SNTG2: variants seen among roughly 807,000 people sequenced by gnomAD.
SNTG2 encodes syntrophin gamma 2.
A neutral mutation model predicts 70.9 loss-of-function variants in SNTG2; 74 were observed. The ratio of observed to expected loss-of-function variants is 1.04; its 90% CI spans 0.86 to 1.27. SNTG2 has a LOEUF of 1.27. Ranked by LOEUF, SNTG2 falls within the 50% of genes most tolerant of loss-of-function variation. The pLI is 0.00. For synonymous variants in SNTG2, 278 were observed against 273.8 expected, an observed-to-expected ratio of 1.02 and a Z score of -0.15; for missense variants, 717 against 690.7, an observed-to-expected ratio of 1.04 and a Z score of -0.43.
chr2:1,161,616 A>G (rs911140748), intron 6 of SNTG2: 1 of 152,246 alleles, frequency 6.6e-6, no homozygotes, highest in Admixed American at 6.5e-5. Context: ...TATTTTGTTC[A>G]TACACCACAT....
At chr2:999,830 C>A (rs1347335594) in intron 1 of SNTG2, among the ~76,000 whole-genome samples, 1 of 151,914 alleles carries the variant, frequency 6.6e-6, no homozygotes, top group Non-Finnish European at 1.5e-5. Flanking sequence ...ATATACTCTT[C>A]TCTTCAGTGC....
At position 1,334,639 on chromosome 2, in the gene SNTG2, C is replaced by T. The variant is rs936499859; in HGVS notation, c.1488+18264C>T. On this transcript the variant is annotated intron_variant, in intron 16 of 16. Transcript: ENST00000308624. ...CAAAGGAACAAAATAATGTCTTTTG[C>T]AGCAACTTGGATGGAGCTGGAAGCC... Among the ~76,000 whole-genome samples the T allele has an allele frequency of 5.3e-5, 8 of 152,204 alleles. No homozygotes were observed. In the East Asian group the frequency reaches 1.5e-3, roughly 29 times the overall value.
At chr2:1,167,187 A>T (rs1287923499) in intron 7 of SNTG2, among the ~76,000 whole-genome samples, 1 of 152,018 alleles carries the variant, frequency 6.6e-6, no homozygotes, top group Non-Finnish European at 1.5e-5. Flanking sequence ...GGCAGAACTG[A>T]AACCTACAGG....
chr2:1,260,806 CT>C (rs1478488498), intron 13 of SNTG2, among the ~76,000 whole-genome samples: 3 of 139,622 alleles, frequency 2.1e-5, no homozygotes, highest in East Asian at 2.0e-4. Flanking sequence ...AATTCTTGGC[CT>C]TTTTGTTTCC....
chr2:1,260,414 T>C (rs150626840), intron 13 of SNTG2, among the ~76,000 whole-genome samples: 5 of 152,362 alleles, frequency 3.3e-5, no homozygotes, highest in African/African-American at 1.2e-4. Context: ...GCAACATTTT[T>C]CTGCATTGTT....
chr2:1,288,181 T>G (rs181930681), intron 14 of SNTG2, among the ~76,000 whole-genome samples: 179 of 152,340 alleles, frequency 1.2e-3, no homozygotes, highest in African/African-American at 4.1e-3. Context: ...ACTCAGCAAG[T>G]GTTTTTTGGG....
intron 1 of SNTG2, among the ~76,000 whole-genome samples, chr2:1,082,368 T>C (rs894851607): frequency 2.0e-5 from 3 of 152,220 alleles, no homozygotes; most frequent in Admixed American, 1.3e-4. Context: ...ACGCAGGCGC[T>C]GGGGCTCCTT....
At position 1,240,374 on chromosome 2, in the gene SNTG2, A is replaced by G. The variant is rs116862820; in HGVS notation, c.888+598A>G. On this transcript the variant is annotated intron_variant, in intron 11 of 16. Coordinates refer to ENST00000308624, the MANE Select transcript of SNTG2 (RefSeq NM_018968.4). ...CTTCCCACGTCTATGAGTACTTAGG[A>G]AAACTCTATGGTAATCAAGCTGTTT... 7.2e-5 allele frequency among the ~76,000 whole-genome samples: 11 copies of G among 152,328 alleles called. No individual in the cohort carries two copies. In the East Asian group the frequency reaches 2.1e-3, roughly 29 times the overall value.
At chr2:1,329,016 C>T (rs965615311) in intron 16 of SNTG2, among the ~76,000 whole-genome samples, 1 of 152,138 alleles carries the variant, frequency 6.6e-6, no homozygotes, top group African/African-American at 2.4e-5. Context: ...ATTAAGGTTA[C>T]TTTTGACTAC....
chr2:1,070,754 C>G, intron 1 of SNTG2, among the ~76,000 whole-genome samples: 1 of 152,174 alleles, frequency 6.6e-6, no homozygotes, highest in East Asian at 1.9e-4. Context: ...CTCTGTTGAG[C>G]CTCTAGTAAC....
At chr2:1,195,895 G>GAA (rs113436793) in intron 8 of SNTG2, among the ~76,000 whole-genome samples, 5 of 147,756 alleles carry the variant, frequency 3.4e-5, no homozygotes, top group African/African-American at 1.2e-4. Flanking sequence ...TATTGATCAG[G>GAA]AAAAAAAAAA....
chr2:1,059,517 G>T lies in SNTG2; in HGVS notation c.73-24001G>T, dbSNP rs114119602. ...CTAATGGAAACTTGGAGTCACAATT[G>T]GATTTGAACATTTTTTGGAACTTTA... On this transcript the variant is annotated intron_variant, in intron 1 of 16. Coordinates refer to ENST00000308624, the MANE Select transcript of SNTG2 (RefSeq NM_018968.4). Among the ~76,000 whole-genome samples, 1,331 of 152,182 alleles carry T rather than the reference G, an allele frequency of 8.7e-3. 20 individuals are homozygous for T. The highest frequency in any genetic ancestry group is 0.03 in the African/African-American group (1,262 of 41,514).
chr2:1,278,120 G>A (rs1679342830), intron 14 of SNTG2, among the ~76,000 whole-genome samples: 1 of 152,172 alleles, frequency 6.6e-6, no homozygotes, highest in African/African-American at 2.4e-5. Context: ...AGCAAATCTG[G>A]AACTACTTTT....
intron 12 of SNTG2, among the ~76,000 whole-genome samples, chr2:1,247,801 G>A (rs115392342): frequency 1.3e-5 from 2 of 152,172 alleles, no homozygotes; most frequent in East Asian, 1.9e-4. Flanking sequence ...CTTTTTAGAC[G>A]TTTCCAATTT....
chr2:997,592 C>T (rs1440786959), intron 1 of SNTG2, among the ~76,000 whole-genome samples: 1 of 151,808 alleles, frequency 6.6e-6, no homozygotes, highest in Non-Finnish European at 1.5e-5. Flanking sequence ...GCGAGGTGGC[C>T]ATGACAGAGA....
At chr2:988,242 A>T (rs1052039549) in intron 1 of SNTG2, among the ~76,000 whole-genome samples, 2 of 152,226 alleles carry the variant, frequency 1.3e-5, no homozygotes, top group Admixed American at 6.5e-5. Context: ...TGGCCGCCCA[A>T]GGCCCATGCT....
chr2:1,293,201 C>A (rs9678902), intron 14 of SNTG2, among the ~76,000 whole-genome samples: 93,716 of 147,544 alleles, frequency 0.64, 29,824 homozygotes, highest in African/African-American at 0.69. Context: ...GTAGAAATGT[C>A]CCCTCTCTGA....
chr2:1,120,416 G>A (rs1667307849), intron 4 of SNTG2, among the ~76,000 whole-genome samples: 1 of 152,060 alleles, frequency 6.6e-6, no homozygotes, highest in Non-Finnish European at 1.5e-5. Flanking sequence ...TAATCACCTG[G>A]AATATAAATT....
intron 9 of SNTG2, among the ~76,000 whole-genome samples, chr2:1,234,386 CATTT>C (rs1359807679): frequency 2.0e-5 from 3 of 152,188 alleles, no homozygotes; most frequent in African/African-American, 7.2e-5. Context: ...AGTTTCTGTT[CATTT>C]GATACTTAAT....
Sources: gnomAD v4.1 joint callset for allele counts (sites outside exome capture counted in the v4.1 genomes callset) on GRCh38, gnomAD v4.1.1 for gene constraint, MANE v1.5 for transcripts, NCBI Gene and HGNC (gene_info 2026-07-23, HGNC 2026-07-21) for gene names.